The following ASB7 variants were observed in gnomAD, a reference collection of about 807,000 sequenced individuals.
ASB7 encodes ankyrin repeat and SOCS box containing 7, also known as ankyrin repeat and SOCS box protein 7.
Under a neutral mutation model 32.5 loss-of-function variants are expected in ASB7, and 4 were observed. The ratio of observed to expected loss-of-function variants is 0.12; its 90% CI spans 0.06 to 0.28. ASB7 has a LOEUF of 0.28. Ranked by LOEUF, ASB7 falls within the 10% of genes least tolerant of loss-of-function variation. The pLI is 1.00. For missense variants in ASB7, 181 were observed against 407.1 expected (o/e 0.44, Z 4.78); for synonymous variants, 172 against 155.6 (o/e 1.11, Z -0.78).
At position 100,640,304 on chromosome 15, in the gene ASB7, C is replaced by G. The variant is rs575370008; in HGVS notation, c.818-8019C>G. Among the ~76,000 whole-genome samples, 9 of 152,180 alleles carry G rather than the reference C, an allele frequency of 5.9e-5. No individual in the cohort carries two copies. The East Asian group carries it at 1.7e-3, about 29-fold the overall frequency. ...GGACTACAGGCACGTGCCACCATACCCAGCTAATTTTTGTATTTTTAGTAG... is the reference window on the plus strand; with the variant it reads ...GGACTACAGGCACGTGCCACCATACGCAGCTAATTTTTGTATTTTTAGTAG... On this transcript the variant is annotated intron_variant, in intron 5 of 5. Transcript: ENST00000332783.
intron 5 of ASB7, among the ~76,000 whole-genome samples, chr15:100,636,205 C>T (rs1468884083): frequency 6.6e-6 from 1 of 152,210 alleles, no homozygotes; most frequent in African/African-American, 2.4e-5. Context: ...TTTGTTTCCT[C>T]TCCAAATTGT....
rs911796666 is a variant in ASB7, at chr15:100,602,826, C to T, written c.-493C>T. 5.1e-6 allele frequency: 2 copies of T among 392,862 alleles called. No homozygotes were observed. Among genetic ancestry groups the T allele is most frequent in the Non-Finnish European group, 9.0e-6 (2 of 223,042 alleles). The allele number at this position is 392,862 out of a possible 1,614,324, so 24.3% of individuals were successfully genotyped here. On this transcript the variant is annotated 5_prime_UTR_variant, in exon 1 of 6. Transcript: ENST00000332783. Reference sequence around the variant, plus strand: ...CCCCCCACCCGAGCCAGGACTTCCTCCCTGCCTCCCTGCACCTCTGCCCCA... The same window carrying T: ...CCCCCCACCCGAGCCAGGACTTCCTTCCTGCCTCCCTGCACCTCTGCCCCA...
At chr15:100,632,328 G>C (rs1334539684) in intron 5 of ASB7, among the ~76,000 whole-genome samples, 1 of 152,162 alleles carries the variant, frequency 6.6e-6, no homozygotes, top group Admixed American at 6.5e-5. Context: ...GTCTGTTAAG[G>C]CTCCAGTTGT....
intron 5 of ASB7, chr15:100,646,351 C>T: frequency 2.7e-6 from 1 of 376,618 alleles, no homozygotes; most frequent in East Asian, 6.1e-5. Context: ...TGAACTGGTC[C>T]ACTCATCAAG....
intron 5 of ASB7, among the ~76,000 whole-genome samples, chr15:100,636,804 A>G (rs2039926425): frequency 6.6e-6 from 1 of 152,236 alleles, no homozygotes; most frequent in African/African-American, 2.4e-5. Context: ...TGTGGACTTT[A>G]GCCGGGGCTT....
rs1178897578 is a variant in ASB7 at position 100,646,298 on chromosome 15, C to T, written c.818-2025C>T. The T allele has an allele frequency of 3.3e-5, 13 of 391,260 alleles. No individual in the cohort carries two copies. The Admixed American group carries it at 3.5e-4, about 11-fold the overall frequency. The allele number at this position is 391,260 out of a possible 1,614,324, so 24.2% of individuals were successfully genotyped here. A position where few individuals can be genotyped will look rare whatever the true frequency, so the allele number is the denominator to read the frequency against. ...TCCAAGGACCAGATTCGAGAAGTCT[C>T]ATCATAAGAACCAGTCAAGATCCAT... On this transcript the variant is annotated intron_variant, in intron 5 of 5. Transcript: ENST00000332783.
chr15:100,613,141 AC>A (rs1484696953), intron 4 of ASB7, among the ~76,000 whole-genome samples: 1 of 152,196 alleles, frequency 6.6e-6, no homozygotes, highest in Non-Finnish European at 1.5e-5. Context: ...GATCATGTAT[AC>A]CCACATTATC....
chr15:100,623,615 ACT>A (rs950436749), intron 4 of ASB7, among the ~76,000 whole-genome samples: 2 of 152,168 alleles, frequency 1.3e-5, no homozygotes, highest in African/African-American at 4.8e-5. Flanking sequence ...AGAAAAGAAA[ACT>A]CTTAATACGG....
chr15:100,616,919 C>G (rs989964440), intron 4 of ASB7, among the ~76,000 whole-genome samples: 4 of 152,222 alleles, frequency 2.6e-5, no homozygotes, highest in African/African-American at 9.6e-5. Context: ...TCTCATGGCT[C>G]ATAGACATCG....
chr15:100,650,321 G>C lies in ASB7; in HGVS notation c.*1859G>C, dbSNP rs1056318422. On this transcript the variant is annotated 3_prime_UTR_variant, in exon 6 of 6. Transcript: ENST00000332783. ...AGTCCCTTATGAAGACAGTTGCCAA[G>C]CTGTATTCTCATTCTTTAAACCAAT... 1 of 152,214 alleles carries C rather than the reference G, an allele frequency of 6.6e-6. No homozygotes were observed. 9.4% of individuals were successfully genotyped at this position (152,214 alleles called of 1,614,324 possible).
intron 5 of ASB7, among the ~76,000 whole-genome samples, chr15:100,640,155 G>GT (rs567884888): frequency 2.8e-4 from 43 of 151,560 alleles, no homozygotes; most frequent in East Asian, 9.7e-4. Flanking sequence ...TTTCTTTTTT[G>GT]TTTTTTTTGA....
At chr15:100,621,304 C>T (rs1480257019) in intron 4 of ASB7, among the ~76,000 whole-genome samples, 1 of 152,158 alleles carries the variant, frequency 6.6e-6, no homozygotes, top group Non-Finnish European at 1.5e-5. Context: ...ACAAAAGTTT[C>T]ACCTTTCCGA....
intron 5 of ASB7, among the ~76,000 whole-genome samples, chr15:100,638,830 C>T (rs2039942416): frequency 6.6e-6 from 1 of 152,090 alleles, no homozygotes; most frequent in Admixed American, 6.5e-5. Context: ...TCCTAATGCC[C>T]TCCCTCCCCT....
Position 100,612,303 on chromosome 15 carries a change from A to C in ASB7, c.87A>C (p.Thr29=), listed in dbSNP as rs780787985. ...QAAVAAGDVH[T]VRKMLEQGYS... ...CGGTGGCTGCTGGGGATGTCCACAC[A>C]GTGCGAAAGATGCTAGAACAAGGCT... is the stretch of plus-strand genomic sequence containing the variant. Residue 29 remains threonine, a synonymous_variant, in exon 4 of 6, where the codon ACA becomes ACC. Transcript: ENST00000332783. 5 of 1,614,138 alleles carry C rather than the reference A, an allele frequency of 3.1e-6. No homozygotes were observed. Among genetic ancestry groups the C allele is most frequent in the Non-Finnish European group, 1.7e-6 (2 of 1,179,980 alleles).
At chr15:100,646,478 G>T in intron 5 of ASB7, 3 of 465,386 alleles carry the variant, frequency 6.4e-6, no homozygotes, top group South Asian at 3.3e-5. Flanking sequence ...CACAGAAACT[G>T]ACCCTTAATA....
At chr15:100,617,812 T>C (rs946725439) in intron 4 of ASB7, among the ~76,000 whole-genome samples, 2 of 152,246 alleles carry the variant, frequency 1.3e-5, no homozygotes, top group African/African-American at 4.8e-5. Context: ...TTTGCTTCCG[T>C]CAAGAAAGAA....
At chr15:100,630,563 C>T (rs1296975033) in intron 5 of ASB7, among the ~76,000 whole-genome samples, 1 of 152,166 alleles carries the variant, frequency 6.6e-6, no homozygotes, top group East Asian at 1.9e-4. Context: ...GGATACCACT[C>T]GTGGAAGTTA....
At chr15:100,639,964 G>A (rs1265954817) in intron 5 of ASB7, among the ~76,000 whole-genome samples, 1 of 152,144 alleles carries the variant, frequency 6.6e-6, no homozygotes, top group Non-Finnish European at 1.5e-5. Context: ...TAAGCCTGAT[G>A]TTGTATACAT....
At chr15:100,609,914 G>A (rs1383392107) in intron 3 of ASB7, 86 bp downstream of exon 3, 7 of 152,138 alleles carry the variant, frequency 4.6e-5, no homozygotes, top group Admixed American at 4.6e-4. Flanking sequence ...ATCAGTTAAT[G>A]TATACTAAAT....
Sources: allele counts gnomAD v4.1 joint callset (sites outside exome capture counted in the v4.1 genomes callset), GRCh38; gene constraint gnomAD v4.1.1; transcripts MANE v1.5; gene names NCBI Gene and HGNC (gene_info 2026-07-23, HGNC 2026-07-21).